The following TCP11L2 variants were observed in gnomAD, a reference collection of about 807,000 sequenced individuals.
TCP11L2 encodes the protein t-complex 11 like 2.
TCP11L2 carries 39 observed loss-of-function variants against 50.7 expected under a neutral mutation model. The observed-to-expected ratio is 0.77, with a 90% CI of 0.60 to 1.01. The LOEUF (loss-of-function observed/expected upper bound fraction) is 1.01, where lower values mean the gene tolerates loss of function less well. Ranked by LOEUF, TCP11L2 falls within the 50% of genes least tolerant of loss-of-function variation. The pLI is 0.00. For missense variants in TCP11L2, 612 were observed against 614.7 expected (o/e 1.00, Z 0.05); for synonymous variants, 192 against 219.3 (o/e 0.88, Z 1.10).
chr12:106,304,227 C>A (rs896716540), intron 1 of TCP11L2: 1 of 152,332 alleles, frequency 6.6e-6, no homozygotes, highest in Non-Finnish European at 1.5e-5. Flanking sequence ...GAGGGGGAAG[C>A]ACAGGTATTA....
At chr12:106,319,288 A>G (rs1034157134) in intron 4 of TCP11L2, among the ~76,000 whole-genome samples, 6 of 152,146 alleles carry the variant, frequency 3.9e-5, no homozygotes, top group African/African-American at 7.2e-5. Context: ...CAAAGGCCCC[A>G]CCTTCTAATA....
At chr12:106,323,071 C>T (rs1439812782) in intron 5 of TCP11L2, among the ~76,000 whole-genome samples, 3 of 152,154 alleles carry the variant, frequency 2.0e-5, no homozygotes, top group African/African-American at 7.2e-5. Flanking sequence ...TGTATATGCC[C>T]ACAAATCTGG....
At chr12:106,329,346 A>C (rs889156834) in intron 6 of TCP11L2, 6 of 1,536,026 alleles carry the variant, frequency 3.9e-6, no homozygotes, top group Non-Finnish European at 4.4e-6. Context: ...CCGAGGTTGC[A>C]GGTGCCTCAT....
intron 3 of TCP11L2, among the ~76,000 whole-genome samples, chr12:106,315,711 G>A (rs1036870797): frequency 1.3e-5 from 2 of 151,116 alleles, no homozygotes; most frequent in Non-Finnish European, 3.0e-5. Flanking sequence ...GGTTAACCTC[G>A]CCCTCCGACC....
At chr12:106,329,683 A>G (rs577864946) in intron 6 of TCP11L2, 2 of 1,148,052 alleles carry the variant, frequency 1.7e-6, no homozygotes, top group African/African-American at 3.2e-5. Context: ...GCTTTTGTTC[A>G]AGGTAACTAA....
chr12:106,303,179 C>T (rs1309399609), intron 1 of TCP11L2: 1 of 152,220 alleles, frequency 6.6e-6, no homozygotes, highest in African/African-American at 2.4e-5. Context: ...ACCGAGTGGC[C>T]GCCCCGCGTG....
At chr12:106,302,394 TCAGCCCCCG>T (rs2034446297), upstream of TCP11L2, among the ~76,000 whole-genome samples, 1 of 61,916 alleles carries the variant, frequency 1.6e-5, no homozygotes. Flanking sequence ...CAGCCCCCGC[TCAGCCCCCG>T]CTCAGCCCCC....
rs576657289 is a variant in TCP11L2, at chr12:106,346,731, C to T, written c.*201C>T. ...AGAAGACGTAAACATCACATAGACC[C>T]TATTTGTGCATCATTTTCAAGTTTA... On this transcript the variant is annotated 3_prime_UTR_variant, in exon 10 of 10. Coordinates refer to ENST00000299045, the MANE Select transcript of TCP11L2 (RefSeq NM_152772.3). 2.6e-5 allele frequency: 13 copies of T among 503,814 alleles called. No homozygotes were observed. The South Asian group carries it at 4.6e-4, about 18-fold the overall frequency. 31.2% of individuals were successfully genotyped at this position (503,814 alleles called of 1,614,324 possible). A position where few individuals can be genotyped will look rare whatever the true frequency, so the allele number is the denominator to read the frequency against.
chr12:106,346,189 A>G, intron 9 of TCP11L2, 97 bp from the exon 10 acceptor site: 1 of 1,283,048 alleles, frequency 7.8e-7, no homozygotes, highest in Middle Eastern at 2.5e-4. Context: ...AATTGGGAAC[A>G]TTATTGCAGT....
At chr12:106,300,067 T>TTCAAAA (rs961106270), upstream of TCP11L2, among the ~76,000 whole-genome samples, 1 of 152,120 alleles carries the variant, frequency 6.6e-6, no homozygotes, top group African/African-American at 2.4e-5. Flanking sequence ...GTTCTCTAAG[T>TTCAAAA]GGTTCAAAAA....
At chr12:106,341,070 C>T in intron 9 of TCP11L2, 72 bp downstream of exon 9, 2 of 1,329,862 alleles carry the variant, frequency 1.5e-6, no homozygotes, top group Non-Finnish European at 2.1e-6. Flanking sequence ...AACATTAAGT[C>T]AGTCAAATTT....
intron 8 of TCP11L2, among the ~76,000 whole-genome samples, chr12:106,340,131 C>G (rs2036047420): frequency 6.6e-6 from 1 of 152,108 alleles, no homozygotes; most frequent in Admixed American, 6.6e-5. Flanking sequence ...TCTTAAGGAC[C>G]TTTTCTGGAT....
At chr12:106,310,552 C>CT (rs2034814005) in intron 1 of TCP11L2, among the ~76,000 whole-genome samples, 1 of 152,194 alleles carries the variant, frequency 6.6e-6, no homozygotes, top group South Asian at 2.1e-4. Context: ...GTGCCAAGCT[C>CT]TTTAAGATGA....
At chr12:106,312,008 T>G (rs2034869709) in intron 2 of TCP11L2, among the ~76,000 whole-genome samples, 1 of 152,142 alleles carries the variant, frequency 6.6e-6, no homozygotes, top group African/African-American at 2.4e-5. Context: ...TACATAAGAA[T>G]AGAGAAAAGA....
intron 8 of TCP11L2, among the ~76,000 whole-genome samples, chr12:106,338,402 G>A (rs2264761): frequency 0.21 from 31,524 of 152,158 alleles, 4,598 homozygotes; most frequent in East Asian, 0.66. Context: ...ACTTATAAGC[G>A]AGAACATGTG....
Position 106,346,740 on chromosome 12 carries a change from C to A in TCP11L2, c.*210C>A, listed in dbSNP as rs183187791. 2.1e-6 allele frequency: 1 copy of A among 478,664 alleles called. No individual in the cohort carries two copies. Among genetic ancestry groups the A allele is most frequent in the Non-Finnish European group, 3.5e-6 (1 of 281,866 alleles). The allele number at this position is 478,664 out of a possible 1,614,324, so 29.7% of individuals were successfully genotyped here. Reference sequence around the variant, plus strand: ...AAACATCACATAGACCCTATTTGTGCATCATTTTCAAGTTTAAAACAAATA... The same window carrying A: ...AAACATCACATAGACCCTATTTGTGAATCATTTTCAAGTTTAAAACAAATA... On this transcript the variant is annotated 3_prime_UTR_variant, in exon 10 of 10. Coordinates refer to ENST00000299045, the MANE Select transcript of TCP11L2 (RefSeq NM_152772.3).
chr12:106,313,268 C>T (rs538561655), intron 2 of TCP11L2, among the ~76,000 whole-genome samples: 95 of 152,250 alleles, frequency 6.2e-4, no homozygotes, highest in African/African-American at 2.1e-3. Flanking sequence ...AGTGTTTATA[C>T]TATACTGCCT....
chr12:106,314,584 A>AT, intron 3 of TCP11L2, 91 bp downstream of exon 3: 1 of 420,496 alleles, frequency 2.4e-6, no homozygotes, highest in Middle Eastern at 8.3e-4. Context: ...TGTGAGAGAG[A>AT]GAGAGAGAGA....
upstream of TCP11L2, among the ~76,000 whole-genome samples, chr12:106,298,264 A>G (rs1353179476): frequency 1.3e-5 from 2 of 152,172 alleles, no homozygotes; most frequent in Non-Finnish European, 2.9e-5. Context: ...ATTGCCTAAA[A>G]GGTGTGGTTA....
Sources: gnomAD v4.1 joint callset for allele counts (sites outside exome capture counted in the v4.1 genomes callset) on GRCh38, gnomAD v4.1.1 for gene constraint, MANE v1.5 for transcripts, NCBI Gene and HGNC (gene_info 2026-07-23, HGNC 2026-07-21) for gene names.